BPIFB2: variants seen among roughly 807,000 people sequenced by gnomAD.
BPIFB2 encodes BPI fold-containing family B member 2.
A neutral mutation model predicts 50.1 loss-of-function variants in BPIFB2; 39 were observed. That is an observed-to-expected ratio of 0.78 (90% CI 0.60 to 1.02). The LOEUF is 1.02. Ranked by LOEUF, BPIFB2 falls within the 50% of genes least tolerant of loss-of-function variation. BPIFB2 has a pLI of 0.00. For synonymous variants in BPIFB2, 280 were observed against 256.3 expected, an observed-to-expected ratio of 1.09 and a Z score of -0.88; for missense variants, 574 against 585.8, an observed-to-expected ratio of 0.98 and a Z score of 0.21.
Position 33,023,644 on chromosome 20 carries a change from T to G in BPIFB2, c.*261T>G. 1.7e-6 allele frequency: 1 copy of G among 577,340 alleles called. No individual in the cohort carries two copies. The highest frequency in any genetic ancestry group is 3.1e-6 in the Non-Finnish European group (1 of 320,984). 35.8% of individuals were successfully genotyped at this position (577,340 alleles called of 1,614,324 possible). ...TGCCCCACCCCAGCGGGGAGCAGACTGCTCCTCCAGGCTGTATAGACCTGC... is the reference window on the plus strand; with the variant it reads ...TGCCCCACCCCAGCGGGGAGCAGACGGCTCCTCCAGGCTGTATAGACCTGC... On this transcript the variant is annotated 3_prime_UTR_variant, in exon 16 of 16. Transcript: ENST00000170150.
Position 33,021,321 on chromosome 20 carries a change from A to G in BPIFB2, c.1235A>G (p.Lys412Arg). Residue 412 changes from lysine to arginine, a missense_variant, in exon 14 of 16, where the codon AAG (lysine) becomes AGG (arginine). By Grantham distance (26) the Lys-to-Arg change is conservative. Coordinates refer to ENST00000170150, the MANE Select transcript of BPIFB2 (RefSeq NM_025227.3). Reference protein sequence around the residue: ...VRTLMGTVFEKPLLDHLNALL... With the variant: ...VRTLMGTVFERPLLDHLNALL... ...ACACTGATGGGCACCGTTTTTGAGAAGCCCCTGCTGGACCATCTCAATGGT... is the reference window on the plus strand; with the variant it reads ...ACACTGATGGGCACCGTTTTTGAGAGGCCCCTGCTGGACCATCTCAATGGT... 6.2e-7 allele frequency: 1 copy of G among 1,613,826 alleles called. No individual in the cohort carries two copies.
At chr20:33,019,169 G>T (rs543891556) in intron 10 of BPIFB2, 54 bp downstream of exon 10, 37 of 1,601,976 alleles carry the variant, frequency 2.3e-5, no homozygotes, top group Middle Eastern at 1.6e-4. Context: ...TGGGGTGGGG[G>T]TTCTCTGGGT....
intron 6 of BPIFB2, among the ~76,000 whole-genome samples, chr20:33,016,033 T>C (rs1186717364): frequency 1.3e-5 from 2 of 152,118 alleles, no homozygotes; most frequent in Non-Finnish European, 2.9e-5. Flanking sequence ...ATTACTATTT[T>C]AGCTCTTGTC....
chr20:33,015,640 GCA>G, intron 6 of BPIFB2, 144 bp downstream of exon 6: 4 of 760,342 alleles, frequency 5.3e-6, no homozygotes, highest in Non-Finnish European at 8.2e-6. Flanking sequence ...CCCCATGAAG[GCA>G]GGGAAAAGGC....
intron 11 of BPIFB2, 27 bp from the exon 12 acceptor site, chr20:33,020,301 C>G: frequency 6.2e-7 from 1 of 1,611,278 alleles, no homozygotes; most frequent in Non-Finnish European, 8.5e-7. Context: ...TCTGTGCCCT[C>G]TGACCCTGCT....
chr20:33,021,595 T>TA (rs758477157), intron 14 of BPIFB2, 128 bp from the exon 15 acceptor site: 30 of 1,009,550 alleles, frequency 3.0e-5, no homozygotes, highest in Non-Finnish European at 4.5e-5. Flanking sequence ...TCCCCTTCTG[T>TA]AAAAGGGGTA....
In BPIFB2 at chr20:33,023,668, G is replaced by A; in HGVS notation, c.*285G>A. The A allele has an allele frequency of 1.9e-6, 1 of 523,092 alleles. No homozygotes were observed. The highest frequency in any genetic ancestry group is 2.3e-5 in the South Asian group (1 of 42,926). 32.4% of individuals were successfully genotyped at this position (523,092 alleles called of 1,614,324 possible). On this transcript the variant is annotated 3_prime_UTR_variant, in exon 16 of 16. Coordinates refer to ENST00000170150, the MANE Select transcript of BPIFB2 (RefSeq NM_025227.3). ...CTGCTCCTCCAGGCTGTATAGACCT[G>A]CCCTCTTGCATTAAACAACTTCTCT...
intron 13 of BPIFB2, 125 bp downstream of exon 13, chr20:33,020,712 TC>T: frequency 8.7e-7 from 1 of 1,144,214 alleles, no homozygotes; most frequent in Non-Finnish European, 1.2e-6. Context: ...TAGTCAGGCT[TC>T]CCCGGGCTGC....
In BPIFB2 at chr20:33,018,790, G is replaced by A. The variant is rs973371797; in HGVS notation, c.823G>A (p.Gly275Ser). The A allele has an allele frequency of 8.7e-6, 14 of 1,613,292 alleles. No homozygotes were observed. The highest frequency in any genetic ancestry group is 4.0e-5 in the African/African-American group (3 of 74,918). Residue 275 changes from glycine to serine, a missense_variant, in exon 9 of 16, where the codon GGT (glycine) becomes AGT (serine). Gly to Ser is a moderately conservative substitution (Grantham distance 56). Transcript: ENST00000170150. ...TGCGCTCCTGCTGCTGCAGAAGGCC[G>A]GTGCCCTCAACCTGGACATCACAGG... The part of the protein sequence containing the change: ...DSALLLLQKA[G>S]ALNLDITGQL...
chr20:33,018,794 C>A lies in BPIFB2; in HGVS notation c.827C>A (p.Ala276Asp), dbSNP rs1978536886. Residue 276 changes from alanine to aspartate, a missense_variant, in exon 9 of 16, where the codon GCC becomes GAC. Transcript: ENST00000170150. ...SALLLLQKAG[A>D]LNLDITGQLR... is the part of the protein sequence containing the mutation. The stretch of plus-strand genomic sequence containing the variant: ...CTCCTGCTGCTGCAGAAGGCCGGTG[C>A]CCTCAACCTGGACATCACAGGGCAG... 1.2e-6 allele frequency: 2 copies of A among 1,612,992 alleles called. No individual in the cohort carries two copies. The highest frequency in any genetic ancestry group is 1.1e-5 in the South Asian group (1 of 90,870).
Position 33,019,675 on chromosome 20 carries a change from G to T in BPIFB2, c.1005G>T (p.Leu335=). The T allele has an allele frequency of 6.2e-7, 1 of 1,612,626 alleles. No individual in the cohort carries two copies. Among genetic ancestry groups the T allele is most frequent in the South Asian group, 1.1e-5 (1 of 90,706 alleles). ...VAMLHTNNAT[L]RLQPFVEVLA... ...TGCTCCACACAAACAACGCCACCCT[G>T]CGGCTGCAGCCCTTCGTGGAGGTCC... The change falls in exon 11 of 16, where the codon CTG becomes CTT. Residue 335 remains leucine, a synonymous_variant. Transcript: ENST00000170150.
chr20:33,014,870 A>G (rs577470933), intron 5 of BPIFB2, among the ~76,000 whole-genome samples: 1 of 152,302 alleles, frequency 6.6e-6, no homozygotes, highest in Non-Finnish European at 1.5e-5. Flanking sequence ...AGGCTTTGGG[A>G]ACACAGAGGC....
chr20:33,008,659 C>A lies in BPIFB2; in HGVS notation c.85C>A (p.Leu29Ile). 6.2e-7 allele frequency: 1 copy of A among 1,606,780 alleles called. No homozygotes were observed. Among genetic ancestry groups the A allele is most frequent in the Non-Finnish European group, 8.5e-7 (1 of 1,176,680 alleles). Reference sequence around the variant, plus strand: ...CTCCACGCCAGGCACCGTGGTCCGACTCAACAAGGCAGCATTGAGCTACGG... The same window carrying A: ...CTCCACGCCAGGCACCGTGGTCCGAATCAACAAGGCAGCATTGAGCTACGG... The part of the protein sequence containing the change: ...GASTPGTVVR[L>I]NKAALSYVSE... Residue 29 changes from leucine to isoleucine, a missense_variant, in exon 2 of 16, where the codon CTC becomes ATC. Coordinates refer to ENST00000170150, the MANE Select transcript of BPIFB2 (RefSeq NM_025227.3).
intron 4 of BPIFB2, among the ~76,000 whole-genome samples, 154 bp downstream of exon 4, chr20:33,013,061 G>A (rs560890032): frequency 6.6e-6 from 1 of 152,180 alleles, no homozygotes; most frequent in Admixed American, 6.5e-5. Context: ...GCTTGGAGGG[G>A]AGCAAGATAG....
Position 33,009,009 on chromosome 20 carries a change from T to C in BPIFB2, c.109+326T>C, listed in dbSNP as rs1428551774. 6.6e-6 allele frequency among the ~76,000 whole-genome samples: 1 copy of C among 152,192 alleles called. No individual in the cohort carries two copies. The highest frequency in any genetic ancestry group is 2.4e-5 in the African/African-American group (1 of 41,444). ...GTCTACTTATGAGTTTGAAATTTCA[T>C]AGAGCTGTGCCCACGTGTGTACTTA... On this transcript the variant is annotated intron_variant, in intron 2 of 15. Coordinates refer to ENST00000170150, the MANE Select transcript of BPIFB2 (RefSeq NM_025227.3). This position sits in a 1 kb window ranked among gnomAD's most constrained non-coding sequence, Gnocchi z 4.2.
At chr20:33,008,494 G>T (rs147344485) in intron 1 of BPIFB2, 47 bp from the exon 2 acceptor site, 4 of 1,212,490 alleles carry the variant, frequency 3.3e-6, no homozygotes, top group East Asian at 2.6e-5. Context: ...GGTGGCTCAG[G>T]GGTGGGCTGT....
chr20:33,009,329 A>G lies in BPIFB2; in HGVS notation c.109+646A>G, dbSNP rs535769503. On this transcript the variant is annotated intron_variant, in intron 2 of 15. Coordinates refer to ENST00000170150, the MANE Select transcript of BPIFB2 (RefSeq NM_025227.3). This position sits in a 1 kb window ranked among gnomAD's most constrained non-coding sequence, Gnocchi z 4.2. Reference sequence around the variant, plus strand: ...ATCCCCTAAGGAGGGCACAATGAAGAAACTTAGCCCCAGGGAGGGACAGAC... The same window carrying G: ...ATCCCCTAAGGAGGGCACAATGAAGGAACTTAGCCCCAGGGAGGGACAGAC... 8.5e-5 allele frequency among the ~76,000 whole-genome samples: 13 copies of G among 152,290 alleles called. No homozygotes were observed. Among genetic ancestry groups the G allele is most frequent in the Non-Finnish European group, 1.6e-4 (11 of 68,032 alleles).
chr20:33,020,324 C>T lies in BPIFB2; in HGVS notation c.1081-4C>T, dbSNP rs73121519. 2,362 of 1,613,972 alleles carry T rather than the reference C, an allele frequency of 1.5e-3. 2 individuals carry two copies. The highest frequency in any genetic ancestry group is 1.9e-3 in the Non-Finnish European group (2,192 of 1,179,878). On this transcript the variant is annotated splice_region_variant and splice_polypyrimidine_tract_variant and intron_variant, in intron 11 of 15. Transcript: ENST00000170150. ...CTCTGACCCTGCTCTCCCCATGTGCCCAGGTAGTGAACTTGAGACTCCAGC... is the reference window on the plus strand; with the variant it reads ...CTCTGACCCTGCTCTCCCCATGTGCTCAGGTAGTGAACTTGAGACTCCAGC...
rs1978575629 is a variant in BPIFB2 at position 33,019,574 on chromosome 20, C to T, written c.910-6C>T. 1 of 1,579,658 alleles carries T rather than the reference C, an allele frequency of 6.3e-7. No homozygotes were observed. The highest frequency in any genetic ancestry group is 1.2e-5 in the South Asian group (1 of 86,592). On this transcript the variant is annotated splice_region_variant and splice_polypyrimidine_tract_variant and intron_variant, in intron 10 of 15. Transcript: ENST00000170150. The stretch of plus-strand genomic sequence containing the variant: ...AGCAGGGCCTCCTCCGCCTCTGCCT[C>T]CCCAGGTGGCCCGCCAGTTTCCCGA...
Sources: gnomAD v4.1 joint callset for allele counts (sites outside exome capture counted in the v4.1 genomes callset) on GRCh38, gnomAD v4.1.1 for gene constraint, Gnocchi (gnomAD v3.1) non-coding constraint, MANE v1.5 for transcripts, NCBI Gene and HGNC (gene_info 2026-07-23, HGNC 2026-07-21) for gene names.